The following KIF5B variants were observed in gnomAD, a reference collection of about 807,000 sequenced individuals.
The protein encoded by KIF5B is kinesin-1 heavy chain.
KIF5B carries 49 observed loss-of-function variants against 132.8 expected under a neutral mutation model. That is an observed-to-expected ratio of 0.37 (90% confidence interval 0.29 to 0.47). The LOEUF (loss-of-function observed/expected upper bound fraction) is 0.47, where lower values mean the gene tolerates loss of function less well. KIF5B is among the 20% of genes least tolerant of loss of function. KIF5B has a pLI of 1.00. For synonymous variants in KIF5B, 355 were observed against 369.4 expected, an observed-to-expected ratio of 0.96 and a Z score of 0.45; for missense variants, 780 against 1,144.0, an observed-to-expected ratio of 0.68 and a Z score of 4.59.
chr10:32,021,812 A>G (rs1159157780), intron 17 of KIF5B, among the ~76,000 whole-genome samples: 1 of 152,106 alleles, frequency 6.6e-6, no homozygotes, highest in Non-Finnish European at 1.5e-5. Context: ...CTCTACAAAA[A>G]AGGTAAAAAA....
Position 32,023,050 on chromosome 10 carries a change from G to A in KIF5B, c.1726-14C>T. 6.7e-7 allele frequency: 1 copy of A among 1,490,292 alleles called. No individual in the cohort carries two copies. The highest frequency in any genetic ancestry group is 9.0e-7 in the Non-Finnish European group (1 of 1,110,486). 92.3% of individuals were successfully genotyped at this position (1,490,292 alleles called of 1,614,324 possible). A position where few individuals can be genotyped will look rare whatever the true frequency, so the allele number is the denominator to read the frequency against. On this transcript the variant is annotated splice_polypyrimidine_tract_variant and intron_variant, in intron 15 of 25. Coordinates refer to ENST00000302418, the MANE Select transcript of KIF5B (RefSeq NM_004521.3). Reference sequence around the variant, plus strand: ...TCCCTCAGGCTGCTGTAAGGAAAAAGTAAAATAAAAAATTAAAGCCAAAAA... The same window carrying A: ...TCCCTCAGGCTGCTGTAAGGAAAAAATAAAATAAAAAATTAAAGCCAAAAA...
chr10:32,032,763 A>C lies in KIF5B; in HGVS notation c.1317T>G (p.Ile439Met), dbSNP rs1195289054. 6.2e-7 allele frequency: 1 copy of C among 1,613,780 alleles called. No individual in the cohort carries two copies. The highest frequency in any genetic ancestry group is 8.5e-7 in the Non-Finnish European group (1 of 1,179,696). Residue 439 changes from isoleucine to methionine, a missense_variant, in exon 13 of 26, where the codon ATT becomes ATG. By Grantham distance (10) the Ile-to-Met change is conservative. Around this residue, in one of 9 missense-constraint regions of KIF5B, gnomAD observed 471 missense variants for 569.9 expected, o/e 0.83. Coordinates refer to ENST00000302418, the MANE Select transcript of KIF5B (RefSeq NM_004521.3). ...TCTCTACCAGTTGACTTTGCTGGTT[A>C]ATTTCTTCATCCTAGAATTGTGAAG... ...YKQLDDKDEE[I>M]NQQSQLVEKL...
chr10:32,050,091 G>A (rs975912358), intron 1 of KIF5B, among the ~76,000 whole-genome samples: 2 of 152,086 alleles, frequency 1.3e-5, no homozygotes, highest in African/African-American at 2.4e-5. Context: ...AGGAAAGGAA[G>A]GAAGTTGGGC....
Position 32,038,769 on chromosome 10 carries a change from T to G in KIF5B, c.442+9A>C. ...TTATTTAAAACTGATTAGCAAGAATTTAACTTACCATCTAACAGGTCCCTT... is the reference window on the plus strand; with the variant it reads ...TTATTTAAAACTGATTAGCAAGAATGTAACTTACCATCTAACAGGTCCCTT... On this transcript the variant is annotated intron_variant, in intron 5 of 25. Coordinates refer to ENST00000302418, the MANE Select transcript of KIF5B (RefSeq NM_004521.3). The G allele has an allele frequency of 7.2e-7, 1 of 1,383,782 alleles. No homozygotes were observed. The highest frequency in any genetic ancestry group is 1.0e-6 in the Non-Finnish European group (1 of 982,658). 85.7% of individuals were successfully genotyped at this position (1,383,782 alleles called of 1,614,324 possible).
chr10:32,034,219 T>C (rs1343003379), intron 11 of KIF5B, among the ~76,000 whole-genome samples, 181 bp from the exon 12 acceptor site: 2 of 151,830 alleles, frequency 1.3e-5, no homozygotes, highest in African/African-American at 4.8e-5. Flanking sequence ...CAAGCAATTC[T>C]ACTGCCTCAA....
At chr10:32,014,894 G>A (rs1489152060) in intron 25 of KIF5B, among the ~76,000 whole-genome samples, 1 of 152,156 alleles carries the variant, frequency 6.6e-6, no homozygotes, top group Non-Finnish European at 1.5e-5. Flanking sequence ...AGGCCGAGGC[G>A]GGCAGATCGC....
rs1293879224 is a variant in KIF5B, at chr10:32,019,942, A to C, written c.2222T>G (p.Met741Arg). ...TACTCTTAGACGTTCCTGCTCTAAC[A>C]TCATTTTCTGGTTTTGGCTGACGAA... ...TDLQDQNQKM[M>R]LEQERLRVEH... Residue 741 changes from methionine to arginine, a missense_variant, in exon 20 of 26, where the codon ATG becomes AGG. Around this residue, in one of 9 missense-constraint regions of KIF5B, gnomAD observed 471 missense variants for 569.9 expected, o/e 0.83. Coordinates refer to ENST00000302418, the MANE Select transcript of KIF5B (RefSeq NM_004521.3). 6.2e-7 allele frequency: 1 copy of C among 1,609,210 alleles called. No individual in the cohort carries two copies. Among genetic ancestry groups the C allele is most frequent in the Admixed American group, 1.7e-5 (1 of 58,880 alleles).
Position 32,048,540 on chromosome 10 carries a change from A to G in KIF5B, c.138T>C (p.Tyr46=). 1.2e-6 allele frequency: 2 copies of G among 1,613,574 alleles called. No homozygotes were observed. The highest frequency in any genetic ancestry group is 1.7e-6 in the Non-Finnish European group (2 of 1,179,696). The part of the protein sequence containing the change: ...EDTVVIASKP[Y]AFDRVFQSST... ...TTGACTGGAACACCCGATCAAATGCATAAGGCTTGGACTGAAAAACAAAAA... is the reference window on the plus strand; with the variant it reads ...TTGACTGGAACACCCGATCAAATGCGTAAGGCTTGGACTGAAAAACAAAAA... The change falls in exon 2 of 26, where the codon TAT becomes TAC. Residue 46 remains tyrosine, a synonymous_variant. Coordinates refer to ENST00000302418, the MANE Select transcript of KIF5B (RefSeq NM_004521.3).
In KIF5B at chr10:32,031,074, G is replaced by T; in HGVS notation, c.1580C>A (p.Ser527Ter). The change falls in exon 14 of 26, where the codon TCG (serine) becomes TAG (stop). Residue 527 changes from serine to a stop codon, truncating the protein, a stop_gained and splice_region_variant. Coordinates refer to ENST00000302418, the MANE Select transcript of KIF5B (RefSeq NM_004521.3). LOFTEE classifies it high-confidence loss of function. ...AAAGAAAATAAAACTATATCCTACC[G>T]ATTTCTGATTCAATTCATCACTAAG... ...ELLSDELNQK[S>*]ATLASIDAEL... 6.2e-7 allele frequency: 1 copy of T among 1,603,190 alleles called. No homozygotes were observed. The highest frequency in any genetic ancestry group is 1.1e-5 in the South Asian group (1 of 90,736).
Position 32,023,038 on chromosome 10 carries a change from T to C in KIF5B, c.1726-2A>G, listed in dbSNP as rs145839998. On this transcript the variant is annotated splice_acceptor_variant, in intron 15 of 25. Coordinates refer to ENST00000302418, the MANE Select transcript of KIF5B (RefSeq NM_004521.3). LOFTEE classifies it high-confidence loss of function. ...TATCATGCCAGTTCCCTCAGGCTGC[T>C]GTAAGGAAAAAGTAAAATAAAAAAT... is the stretch of plus-strand genomic sequence containing the variant. 5.2e-6 allele frequency: 8 copies of C among 1,542,796 alleles called. No individual in the cohort carries two copies. In the African/African-American group the frequency reaches 9.6e-5, roughly 18 times the overall value.
rs558400447 is a variant in KIF5B at position 32,056,283 on chromosome 10, G to A, written c.-310C>T. ...TTTACGGTCTGGGCGGACTGCGGGGGCTGGGGAGGTTCTGGGGACCGGGAG... is the reference window on the plus strand; with the variant it reads ...TTTACGGTCTGGGCGGACTGCGGGGACTGGGGAGGTTCTGGGGACCGGGAG... On this transcript the variant is annotated 5_prime_UTR_variant, in exon 1 of 26. Transcript: ENST00000302418. 135 of 343,566 alleles carry A rather than the reference G, an allele frequency of 3.9e-4. No homozygotes were observed. The highest frequency in any genetic ancestry group is 2.8e-3 in the African/African-American group (127 of 44,622). The allele number at this position is 343,566 out of a possible 1,614,324, so 21.3% of individuals were successfully genotyped here. A position where few individuals can be genotyped will look rare whatever the true frequency, so the allele number is the denominator to read the frequency against.
rs1357266549 is a variant in KIF5B, at chr10:32,035,488, T to C, written c.962+34A>G. 6 of 1,576,580 alleles carry C rather than the reference T, an allele frequency of 3.8e-6. No homozygotes were observed. In the African/African-American group the frequency reaches 6.8e-5, roughly 18 times the overall value. On this transcript the variant is annotated intron_variant, in intron 10 of 25. Coordinates refer to ENST00000302418, the MANE Select transcript of KIF5B (RefSeq NM_004521.3). ...ACATTTTATAAACAAAAGGTCTATC[T>C]AAATTTAGGTTTTGTACTTTCTTAA...
chr10:32,019,139 CATGT>C (rs1274951358), intron 20 of KIF5B, among the ~76,000 whole-genome samples: 6 of 152,240 alleles, frequency 3.9e-5, no homozygotes, highest in South Asian at 2.1e-4. Context: ...AAATATGCCA[CATGT>C]ATTATACTGC....
chr10:32,054,738 A>G (rs1344621025), intron 1 of KIF5B, among the ~76,000 whole-genome samples: 2 of 152,224 alleles, frequency 1.3e-5, no homozygotes, highest in African/African-American at 4.8e-5. Flanking sequence ...TAATTTAGTC[A>G]CTGTTTCGTA....
intron 2 of KIF5B, among the ~76,000 whole-genome samples, chr10:32,046,180 C>CA (rs1841606831): frequency 6.6e-6 from 1 of 152,026 alleles, no homozygotes; most frequent in South Asian, 2.1e-4. Context: ...GCAAGAGATA[C>CA]AAAAAAGACC....
intron 2 of KIF5B, among the ~76,000 whole-genome samples, chr10:32,042,047 G>T (rs1428075232): frequency 6.6e-6 from 1 of 152,098 alleles, no homozygotes; most frequent in East Asian, 1.9e-4. Flanking sequence ...TTTGTTTGTT[G>T]TTTGTTTTTG....
intron 4 of KIF5B, 47 bp from the exon 5 acceptor site, chr10:32,038,873 C>T: frequency 8.3e-7 from 1 of 1,205,438 alleles, no homozygotes; most frequent in Non-Finnish European, 1.2e-6. Flanking sequence ...AGTTATATAA[C>T]TTATTCGCAT....
chr10:32,052,354 C>T (rs971065772), intron 1 of KIF5B, among the ~76,000 whole-genome samples: 19 of 152,284 alleles, frequency 1.2e-4, no homozygotes, highest in African/African-American at 4.6e-4. Flanking sequence ...GGTTCAAACA[C>T]CAAATCATTC....
At position 32,015,501 on chromosome 10, in the gene KIF5B, T is replaced by G. The variant is rs1841146172; in HGVS notation, c.*20+8A>C. ...ACAGATATGAAAAGCCAGATATAAA[T>G]AACAAACCTGTGGGTATGTATAAAC... is the stretch of plus-strand genomic sequence containing the variant. On this transcript the variant is annotated splice_region_variant and intron_variant, in intron 25 of 25. Transcript: ENST00000302418. 1 of 1,520,260 alleles carries G rather than the reference T, an allele frequency of 6.6e-7. No individual in the cohort carries two copies. The highest frequency in any genetic ancestry group is 8.8e-7 in the Non-Finnish European group (1 of 1,131,924). 94.2% of individuals were successfully genotyped at this position (1,520,260 alleles called of 1,614,324 possible). A position where few individuals can be genotyped will look rare whatever the true frequency, so the allele number is the denominator to read the frequency against.
Sources: allele counts gnomAD v4.1 joint callset (sites outside exome capture counted in the v4.1 genomes callset), GRCh38; gene constraint gnomAD v4.1.1; regional missense constraint gnomAD v4.1.1; transcripts MANE v1.5; gene names NCBI Gene and HGNC (gene_info 2026-07-23, HGNC 2026-07-21).